LRRC4C: variants seen among roughly 807,000 people sequenced by gnomAD.
LRRC4C encodes the protein leucine-rich repeat-containing protein 4C.
LRRC4C carries 5 observed loss-of-function variants against 33.6 expected under a neutral mutation model. The observed-to-expected ratio is 0.15, with a 90% confidence interval of 0.08 to 0.31. The LOEUF (loss-of-function observed/expected upper bound fraction) is 0.31. Among genes scored for constraint, LRRC4C ranks in the 10% least tolerant of loss-of-function variants. The pLI, the probability that LRRC4C is intolerant of heterozygous loss-of-function variation, is 1.00. For missense variants in LRRC4C, 560 were observed against 796.7 expected (o/e 0.70, Z 3.58); for synonymous variants, 329 against 302.0 (o/e 1.09, Z -0.93).
chr11:40,124,993 T>C (rs1432860130), intron 6 of LRRC4C, among the ~76,000 whole-genome samples: 1 of 151,680 alleles, frequency 6.6e-6, no homozygotes, highest in African/African-American at 2.4e-5. Context: ...ATAAATAAAT[T>C]CTATTTCCTA....
In LRRC4C at chr11:41,185,133, C is replaced by G. The variant is rs1200792911; in HGVS notation, c.-495-251410G>C. On this transcript the variant is annotated intron_variant, in intron 1 of 6. Coordinates refer to ENST00000528697, the MANE Select transcript of LRRC4C (RefSeq NM_001258419.2). ...TCAAGATGAGATTTCGGTGGGGACA[C>G]AGCCAAACCATATCAATTATATATG... Among the ~76,000 whole-genome samples the G allele has an allele frequency of 2.0e-5, 3 of 152,166 alleles. No individual in the cohort carries two copies. The East Asian group carries it at 5.8e-4, about 29-fold the overall frequency.
intron 2 of LRRC4C, among the ~76,000 whole-genome samples, chr11:40,669,348 G>T (rs77632736): frequency 0.15 from 22,874 of 152,110 alleles, 2,150 homozygotes; most frequent in Admixed American, 0.25. Context: ...AAATATTTTT[G>T]CAGTCTTATC....
At chr11:40,187,721 G>A (rs1223705609) in intron 5 of LRRC4C, among the ~76,000 whole-genome samples, 2 of 152,132 alleles carry the variant, frequency 1.3e-5, no homozygotes, top group East Asian at 3.9e-4. Context: ...CTCCTTTCTG[G>A]AGTAAAATCA....
At chr11:40,893,520 A>G (rs975697547) in intron 2 of LRRC4C, among the ~76,000 whole-genome samples, 1 of 152,112 alleles carries the variant, frequency 6.6e-6, no homozygotes, top group Non-Finnish European at 1.5e-5. Context: ...ATTTATGTGT[A>G]TAGACATAAA....
At chr11:40,672,158 G>C (rs148896209) in intron 2 of LRRC4C, among the ~76,000 whole-genome samples, 3 of 152,206 alleles carry the variant, frequency 2.0e-5, no homozygotes, top group Non-Finnish European at 4.4e-5. Flanking sequence ...CAAGATGAAA[G>C]TTCTCAGAGA....
At chr11:41,234,973 GA>G (rs543774474) in intron 1 of LRRC4C, among the ~76,000 whole-genome samples, 322 of 152,010 alleles carry the variant, frequency 2.1e-3, no homozygotes, top group Non-Finnish European at 3.3e-3. Flanking sequence ...TGGAGACCCT[GA>G]AAATCTGTCA....
At chr11:41,197,912 T>C (rs918134634) in intron 1 of LRRC4C, among the ~76,000 whole-genome samples, 6 of 151,902 alleles carry the variant, frequency 3.9e-5, no homozygotes, top group Non-Finnish European at 5.9e-5. Flanking sequence ...AAAGCTGATA[T>C]CAATAGCAAT....
intron 2 of LRRC4C, among the ~76,000 whole-genome samples, chr11:40,854,748 C>T (rs1442201891): frequency 1.3e-5 from 2 of 150,508 alleles, no homozygotes; most frequent in African/African-American, 4.9e-5. Flanking sequence ...ACATAGAGTA[C>T]ATTAATGTAT....
intron 4 of LRRC4C, among the ~76,000 whole-genome samples, chr11:40,266,523 C>CT (rs1020478740): frequency 6.6e-6 from 1 of 152,106 alleles, no homozygotes; most frequent in African/African-American, 2.4e-5. Context: ...TATTCCAACA[C>CT]TTCCCAAGTT....
intron 5 of LRRC4C, among the ~76,000 whole-genome samples, chr11:40,158,579 C>A (rs114600807): frequency 5.9e-4 from 83 of 141,166 alleles, no homozygotes; most frequent in South Asian, 1.1e-3. Context: ...ACATACTTAT[C>A]AAAAAAAAAA....
At chr11:40,434,761 C>A in intron 3 of LRRC4C, among the ~76,000 whole-genome samples, 1 of 152,130 alleles carries the variant, frequency 6.6e-6, no homozygotes, top group East Asian at 1.9e-4. Context: ...AGCAAATCAT[C>A]TGAACAATTG....
At chr11:41,376,837 A>G (rs1281293538) in intron 1 of LRRC4C, among the ~76,000 whole-genome samples, 2 of 145,784 alleles carry the variant, frequency 1.4e-5, no homozygotes, top group African/African-American at 4.9e-5. Context: ...TAGAAAGAAA[A>G]TAGATAGATA....
intron 1 of LRRC4C, among the ~76,000 whole-genome samples, chr11:41,137,866 A>C (rs1251076431): frequency 1.3e-5 from 2 of 152,158 alleles, no homozygotes; most frequent in African/African-American, 4.8e-5. Flanking sequence ...ATTATGGCAA[A>C]AATTTTAGTA....
chr11:40,828,870 G>A lies in LRRC4C; in HGVS notation c.-407+104765C>T, dbSNP rs965966572. On this transcript the variant is annotated intron_variant, in intron 2 of 6. Coordinates refer to ENST00000528697, the MANE Select transcript of LRRC4C (RefSeq NM_001258419.2). Reference sequence around the variant, plus strand: ...AGGCAGTCAGTCATCAAAACTACCCGAGCCATAAATCTAAATATTTATAAA... The same window carrying A: ...AGGCAGTCAGTCATCAAAACTACCCAAGCCATAAATCTAAATATTTATAAA... Among the ~76,000 whole-genome samples the A allele has an allele frequency of 6.6e-5, 10 of 151,912 alleles. No homozygotes were observed. In the East Asian group the frequency reaches 1.2e-3, roughly 18 times the overall value.
intron 3 of LRRC4C, among the ~76,000 whole-genome samples, chr11:40,373,791 A>G (rs534930478): frequency 1.3e-5 from 2 of 152,192 alleles, no homozygotes; most frequent in African/African-American, 2.4e-5. Flanking sequence ...CTCTCTCACA[A>G]TGTGACACAC....
chr11:40,317,646 A>G (rs1336914631), intron 4 of LRRC4C, among the ~76,000 whole-genome samples: 2 of 152,070 alleles, frequency 1.3e-5, no homozygotes, highest in Admixed American at 6.5e-5. Context: ...TCCATCCTAC[A>G]TGTTCCTTCC....
chr11:40,861,915 G>A lies in LRRC4C; in HGVS notation c.-407+71720C>T, dbSNP rs558030269. Among the ~76,000 whole-genome samples the A allele has an allele frequency of 3.9e-5, 6 of 152,232 alleles. No individual in the cohort carries two copies. The South Asian group carries it at 1.0e-3, about 26-fold the overall frequency. On this transcript the variant is annotated intron_variant, in intron 2 of 6. Transcript: ENST00000528697. ...GCGTAACTCATTACAATGGGGAGGA[G>A]CCAAGCCATTCATGAGGGCTCTGGT...
chr11:40,957,830 T>G (rs572468165), intron 1 of LRRC4C, among the ~76,000 whole-genome samples: 1 of 151,848 alleles, frequency 6.6e-6, no homozygotes, highest in African/African-American at 2.4e-5. Flanking sequence ...TAGGAAGTAG[T>G]ATTAAGGAGT....
intron 1 of LRRC4C, among the ~76,000 whole-genome samples, chr11:40,962,439 T>A (rs1301075737): frequency 1.3e-5 from 2 of 151,728 alleles, no homozygotes; most frequent in Non-Finnish European, 1.5e-5. Flanking sequence ...TACACAGCAC[T>A]GCTGAAAAAG....
Sources: allele counts gnomAD v4.1 joint callset (sites outside exome capture counted in the v4.1 genomes callset), GRCh38; gene constraint gnomAD v4.1.1; transcripts MANE v1.5; gene names NCBI Gene and HGNC (gene_info 2026-07-23, HGNC 2026-07-21).